Variants in ZNF536 observed in about 807,000 individuals in gnomAD.
ZNF536 encodes the protein zinc finger protein 536.
In ZNF536, 13 loss-of-function variants were observed where a neutral mutation model predicts 84.5. The observed-to-expected ratio is 0.15, with a 90% CI of 0.10 to 0.24. The LOEUF (loss-of-function observed/expected upper bound fraction) is 0.24, where lower values mean the gene tolerates loss of function less well. ZNF536 is among the 10% of genes least tolerant of loss of function. ZNF536 has a pLI of 1.00. For missense variants in ZNF536, 1,536 were observed against 1,747.5 expected (o/e 0.88, Z 2.16); for synonymous variants, 811 against 742.5 (o/e 1.09, Z -1.50).
chr19:30,301,579 G>A (rs2046185729), intron 2 of ZNF536, among the ~76,000 whole-genome samples: 1 of 152,226 alleles, frequency 6.6e-6, no homozygotes, highest in Non-Finnish European at 1.5e-5. Context: ...TGGACAGAGT[G>A]CAATCTGCAT....
intron 1 of ZNF536, among the ~76,000 whole-genome samples, chr19:30,616,735 G>T (rs1209186780): frequency 2.6e-5 from 4 of 152,196 alleles, no homozygotes; most frequent in Non-Finnish European, 1.5e-5. Flanking sequence ...GGTGTCATCT[G>T]TCTTGAGAAA....
intron 1 of ZNF536, among the ~76,000 whole-genome samples, chr19:30,686,785 C>T (rs2051204265): frequency 6.6e-6 from 1 of 152,142 alleles, no homozygotes; most frequent in South Asian, 2.1e-4. Flanking sequence ...CAGCCCTCCC[C>T]CCACTCCCCC....
At chr19:30,638,776 G>A (rs912994320) in intron 1 of ZNF536, among the ~76,000 whole-genome samples, 1 of 152,138 alleles carries the variant, frequency 6.6e-6, no homozygotes, top group African/African-American at 2.4e-5. Flanking sequence ...GGCCAGATTA[G>A]GACAAGAGCA....
At chr19:30,447,491 T>C (rs1166300253) in intron 2 of ZNF536, among the ~76,000 whole-genome samples, 7 of 151,998 alleles carry the variant, frequency 4.6e-5, no homozygotes, top group Non-Finnish European at 1.0e-4. Context: ...ACTCCTGGAG[T>C]CCTAGACTTG....
intron 1 of ZNF536, among the ~76,000 whole-genome samples, chr19:30,249,544 C>A (rs1437419801): frequency 6.6e-6 from 1 of 151,974 alleles, no homozygotes; most frequent in Non-Finnish European, 1.5e-5. Context: ...AATGACTTAC[C>A]AAAAAACACA....
At chr19:30,664,237 T>C (rs866530600) in intron 1 of ZNF536, among the ~76,000 whole-genome samples, 7 of 143,650 alleles carry the variant, frequency 4.9e-5, no homozygotes, top group South Asian at 2.2e-4. Flanking sequence ...TCTCTCTCTC[T>C]CTCTCTCTCT....
intron 1 of ZNF536, among the ~76,000 whole-genome samples, chr19:30,625,411 T>G (rs1243120043): frequency 6.6e-6 from 1 of 152,210 alleles, no homozygotes; most frequent in Non-Finnish European, 1.5e-5. Flanking sequence ...TGTCCTAAAA[T>G]GAGAAATGAT....
intron 1 of ZNF536, among the ~76,000 whole-genome samples, chr19:30,396,780 T>A (rs1360127137): frequency 6.6e-6 from 1 of 152,104 alleles, no homozygotes; most frequent in Admixed American, 6.5e-5. Flanking sequence ...AATTTTTGTA[T>A]TTTTAGTAGA....
At chr19:30,527,376 C>A (rs2044631951) in intron 2 of ZNF536, among the ~76,000 whole-genome samples, 1 of 152,028 alleles carries the variant, frequency 6.6e-6, no homozygotes, top group African/African-American at 2.4e-5. Context: ...GGAAAACATG[C>A]CACCTCTCTA....
chr19:30,649,286 G>A (rs2049605298), intron 1 of ZNF536, among the ~76,000 whole-genome samples: 1 of 152,208 alleles, frequency 6.6e-6, no homozygotes, highest in Non-Finnish European at 1.5e-5. Flanking sequence ...GCTTTTGTCT[G>A]TGAAAGGTGA....
At chr19:30,271,294 CTTTTCTTTTTTTTT>C (rs2025828495) in intron 1 of ZNF536, among the ~76,000 whole-genome samples, 1 of 103,198 alleles carries the variant, frequency 9.7e-6, no homozygotes, top group African/African-American at 3.5e-5. Flanking sequence ...GTGTTTTTTT[CTTTTCTTTTTTTTT>C]TTTTTTTTTT....
intron 1 of ZNF536, among the ~76,000 whole-genome samples, chr19:30,240,380 A>T: frequency 6.6e-6 from 1 of 151,738 alleles, no homozygotes; most frequent in African/African-American, 2.4e-5. Flanking sequence ...CTCAGAAAAA[A>T]AAAAAATCCA....
intron 1 of ZNF536, among the ~76,000 whole-genome samples, chr19:30,412,107 G>A (rs1243478101): frequency 4.0e-5 from 6 of 151,626 alleles, no homozygotes; most frequent in Non-Finnish European, 5.9e-5. Context: ...ATTTTACTAC[G>A]ATTTATTAGT....
At chr19:30,700,225 T>C (rs796131287) in intron 1 of ZNF536, among the ~76,000 whole-genome samples, 6,165 of 116,238 alleles carry the variant, frequency 0.053, 150 homozygotes, top group East Asian at 0.23. Context: ...TCTTTCTTTC[T>C]TTCTTTCTTT....
At position 30,289,498 on chromosome 19, in the gene ZNF536, C is replaced by T. The variant is rs577348368; in HGVS notation, c.-120+5357C>T. ...GAGTGCCTGAGAGGCCGGACCACCC[C>T]GGGGGCCCCCGTGCTTTCCTGCACA... On this transcript the variant is annotated intron_variant, in intron 2 of 5. Coordinates refer to the ZNF536 transcript ENST00000585628. Among the ~76,000 whole-genome samples, 37 of 152,318 alleles carry T rather than the reference C, an allele frequency of 2.4e-4. No individual in the cohort carries two copies. In the East Asian group the frequency reaches 4.3e-3, roughly 18 times the overall value.
intron 2 of ZNF536, among the ~76,000 whole-genome samples, chr19:30,528,195 G>C (rs2044669382): frequency 6.6e-6 from 1 of 152,130 alleles, no homozygotes; most frequent in Non-Finnish European, 1.5e-5. Flanking sequence ...TAACTCTCCA[G>C]TCACCATCAT....
intron 2 of ZNF536, among the ~76,000 whole-genome samples, chr19:30,497,336 G>C (rs886329312): frequency 1.7e-4 from 26 of 152,170 alleles, no homozygotes; most frequent in African/African-American, 6.0e-4. Context: ...CTTCCCATTG[G>C]CTGGGTCATT....
intron 1 of ZNF536, among the ~76,000 whole-genome samples, chr19:30,682,033 A>G (rs1356110400): frequency 6.6e-6 from 1 of 152,156 alleles, no homozygotes; most frequent in East Asian, 1.9e-4. Flanking sequence ...CCAGCTTAGC[A>G]GGGTAGGGGG....
At position 30,460,809 on chromosome 19, in the gene ZNF536, G is replaced by A. The variant is rs188351433; in HGVS notation, c.2170+15077G>A. ...ATGGCCCACACATAAAAGAGAGTTG[G>A]GAAGCCACAGAAAAACAGTGGTTAG... On this transcript the variant is annotated intron_variant, in intron 2 of 4. Coordinates refer to ENST00000355537, the MANE Select transcript of ZNF536 (RefSeq NM_014717.3). Among the ~76,000 whole-genome samples the A allele has an allele frequency of 2.8e-3, 423 of 152,232 alleles. 4 individuals carry two copies. The highest frequency in any genetic ancestry group is 9.7e-3 in the African/African-American group (401 of 41,548).
Sources: gnomAD v4.1 joint callset for allele counts (sites outside exome capture counted in the v4.1 genomes callset) on GRCh38, gnomAD v4.1.1 for gene constraint, MANE v1.5 for transcripts, NCBI Gene and HGNC (gene_info 2026-07-23, HGNC 2026-07-21) for gene names.